Variants in OPCML observed in about 807,000 individuals in gnomAD.
OPCML encodes the protein opioid-binding protein/cell adhesion molecule.
OPCML carries 13 observed loss-of-function variants against 37.8 expected under a neutral mutation model. The ratio of observed to expected loss-of-function variants is 0.34; its 90% CI spans 0.22 to 0.55. The LOEUF (loss-of-function observed/expected upper bound fraction) is 0.55, where lower values mean the gene tolerates loss of function less well. Ranked by LOEUF, OPCML falls within the 20% of genes least tolerant of loss-of-function variation. OPCML has a pLI of 0.91. For missense variants in OPCML, 341 were observed against 435.6 expected (o/e 0.78, Z 1.93); for synonymous variants, 176 against 168.8 (o/e 1.04, Z -0.33).
At chr11:132,714,112 A>G (rs976688816) in intron 2 of OPCML, among the ~76,000 whole-genome samples, 62 of 152,230 alleles carry the variant, frequency 4.1e-4, no homozygotes, top group African/African-American at 1.5e-3. Context: ...ATACAGTATA[A>G]TGTAGACCCT....
chr11:133,083,115 C>T (rs1344956491), intron 1 of OPCML, among the ~76,000 whole-genome samples: 3 of 152,054 alleles, frequency 2.0e-5, no homozygotes, highest in Non-Finnish European at 2.9e-5. Flanking sequence ...GCGCACCACA[C>T]TCACATCACA....
At chr11:133,419,309 C>A (rs1945834058) in intron 1 of OPCML, 20 of 985,238 alleles carry the variant, frequency 2.0e-5, no homozygotes, top group Non-Finnish European at 2.3e-5. Flanking sequence ...CTGGTGTAAA[C>A]TGGAAAATAG....
intron 2 of OPCML, chr11:132,771,759 G>A (rs1382570965): frequency 6.6e-6 from 1 of 152,190 alleles, no homozygotes; most frequent in Non-Finnish European, 1.5e-5. Context: ...AGAGTTCTCT[G>A]ACTTAATTGC....
intron 1 of OPCML, among the ~76,000 whole-genome samples, chr11:133,530,664 T>C (rs540901052): frequency 6.6e-6 from 1 of 152,298 alleles, no homozygotes; most frequent in South Asian, 2.1e-4. Context: ...GAATCTGGAA[T>C]AACAACAACA....
At chr11:132,926,106 G>C (rs1172358398) in intron 2 of OPCML, among the ~76,000 whole-genome samples, 1 of 152,218 alleles carries the variant, frequency 6.6e-6, no homozygotes, top group South Asian at 2.1e-4. Context: ...TGACCACCAT[G>C]GCAAGAATAG....
At chr11:132,504,090 C>T (rs1443262017) in intron 4 of OPCML, among the ~76,000 whole-genome samples, 1 of 152,112 alleles carries the variant, frequency 6.6e-6, no homozygotes, top group African/African-American at 2.4e-5. Flanking sequence ...ATAAATGATA[C>T]TCATATTTTT....
intron 1 of OPCML, among the ~76,000 whole-genome samples, chr11:132,952,448 G>A (rs1403117798): frequency 6.6e-6 from 1 of 152,120 alleles, no homozygotes; most frequent in African/African-American, 2.4e-5. Flanking sequence ...AAATCCATGT[G>A]GAACCTCGCT....
chr11:132,996,761 T>A (rs1295998997), intron 1 of OPCML, among the ~76,000 whole-genome samples: 2 of 152,032 alleles, frequency 1.3e-5, no homozygotes, highest in African/African-American at 4.8e-5. Context: ...CCATGGAGAG[T>A]CCCTGCTTTG....
At chr11:132,886,771 T>C (rs879117182) in intron 2 of OPCML, among the ~76,000 whole-genome samples, 1 of 152,334 alleles carries the variant, frequency 6.6e-6, no homozygotes. Context: ...GAGATGTCCC[T>C]GCAGCATCTT....
intron 1 of OPCML, among the ~76,000 whole-genome samples, chr11:133,429,676 A>G (rs899528106): frequency 1.3e-5 from 2 of 152,170 alleles, no homozygotes; most frequent in Non-Finnish European, 2.9e-5. Flanking sequence ...GAGGTATGAG[A>G]AAAAGAGAAG....
At chr11:133,499,787 T>TTTTTTTTTTTTTTTTTGTA (rs1555167613) in intron 1 of OPCML, among the ~76,000 whole-genome samples, 1 of 141,516 alleles carries the variant, frequency 7.1e-6, no homozygotes, top group African/African-American at 2.7e-5. Context: ...TATATATATA[T>TTTTTTTTTTTTTTTTTGTA]ACACATATAT....
intron 1 of OPCML, among the ~76,000 whole-genome samples, chr11:133,516,311 T>C (rs939979828): frequency 2.6e-5 from 4 of 152,132 alleles, no homozygotes; most frequent in African/African-American, 9.7e-5. Context: ...TATGGCCAGA[T>C]AGTGGCTGAG....
intron 3 of OPCML, among the ~76,000 whole-genome samples, chr11:132,591,941 A>T (rs1467439406): frequency 6.6e-6 from 1 of 152,224 alleles, no homozygotes; most frequent in African/African-American, 2.4e-5. Flanking sequence ...TGTAGCAATC[A>T]AACGTGATAT....
At chr11:133,493,428 A>G (rs1947709824) in intron 1 of OPCML, among the ~76,000 whole-genome samples, 1 of 152,274 alleles carries the variant, frequency 6.6e-6, no homozygotes, top group African/African-American at 2.4e-5. Context: ...ACATGGGTGC[A>G]TAGCCTTCCC....
At position 132,688,837 on chromosome 11, in the gene OPCML, C is replaced by G. The variant is rs1231449592; in HGVS notation, c.147-31518G>C. 1.2e-4 allele frequency among the ~76,000 whole-genome samples: 11 copies of G among 90,628 alleles called. 2 individuals are homozygous for G. The South Asian group carries it at 2.7e-3, about 22-fold the overall frequency. The allele number at this position is 90,628 out of a possible 152,430, so 59.5% of individuals were successfully genotyped here. On this transcript the variant is annotated intron_variant, in intron 2 of 7. Transcript: ENST00000524381. ...CGGTGGCGGGCGCCTGTAGTCCCAG[C>G]TACTCGGGAGGCTGAGGCAGGAGAA...
At chr11:132,767,121 G>A (rs1231224029) in intron 2 of OPCML, among the ~76,000 whole-genome samples, 2 of 152,194 alleles carry the variant, frequency 1.3e-5, no homozygotes, top group African/African-American at 2.4e-5. Context: ...CTTTCAGGGG[G>A]TTAGTGAGTG....
At chr11:132,492,073 G>A (rs140953611) in intron 4 of OPCML, among the ~76,000 whole-genome samples, 1 of 151,938 alleles carries the variant, frequency 6.6e-6, no homozygotes, top group Non-Finnish European at 1.5e-5. Flanking sequence ...GCAGGCAACT[G>A]GTGTGGCCAG....
chr11:133,123,769 C>T (rs539454907), intron 1 of OPCML, among the ~76,000 whole-genome samples: 44 of 152,220 alleles, frequency 2.9e-4, no homozygotes, highest in Non-Finnish European at 5.0e-4. Context: ...TCGGATTCAG[C>T]ACCCTGGTGC....
At chr11:133,503,997 C>T (rs568531828) in intron 1 of OPCML, among the ~76,000 whole-genome samples, 1 of 152,238 alleles carries the variant, frequency 6.6e-6, no homozygotes, top group South Asian at 2.1e-4. Flanking sequence ...CAGACAAGCA[C>T]GGGCCAAGAC....
Sources: allele counts gnomAD v4.1 joint callset (sites outside exome capture counted in the v4.1 genomes callset), GRCh38; gene constraint gnomAD v4.1.1; transcripts MANE v1.5; gene names NCBI Gene and HGNC (gene_info 2026-07-23, HGNC 2026-07-21).